Variants in CDH13 observed in about 807,000 individuals in gnomAD.
The protein encoded by CDH13 is cadherin-13.
A neutral mutation model predicts 63.8 loss-of-function variants in CDH13; 24 were observed. The observed-to-expected ratio is 0.38, with a 90% CI of 0.27 to 0.53. The LOEUF (loss-of-function observed/expected upper bound fraction) is 0.53, where lower values mean the gene tolerates loss of function less well. CDH13 is among the 20% of genes least tolerant of loss of function. The pLI, the probability that CDH13 is intolerant of heterozygous loss-of-function variation, is 0.85. For missense variants in CDH13, 1,049 were observed against 903.1 expected, an observed-to-expected ratio of 1.16 and a Z score of -2.07; for synonymous variants, 503 against 355.3, an observed-to-expected ratio of 1.42 and a Z score of -4.67.
intron 4 of CDH13, among the ~76,000 whole-genome samples, chr16:83,172,543 C>T (rs2037966140): frequency 6.6e-6 from 1 of 151,672 alleles, no homozygotes; most frequent in African/African-American, 2.4e-5. Context: ...CAGGATGATA[C>T]ATCTATAAGC....
At chr16:83,534,042 A>T (rs1017540013) in intron 7 of CDH13, among the ~76,000 whole-genome samples, 2 of 152,148 alleles carry the variant, frequency 1.3e-5, no homozygotes, top group African/African-American at 4.8e-5. Flanking sequence ...TAGTGGATGG[A>T]CAGTGTTGTA....
At position 82,692,785 on chromosome 16, in the gene CDH13, T is replaced by C. The variant is rs75141977; in HGVS notation, c.45+65648T>C. Reference sequence around the variant, plus strand: ...CTGTGTGCATGAAAAACCTAGGTTCTCAGTAGCTGGGAGGAGACCTGCACA... The same window carrying C: ...CTGTGTGCATGAAAAACCTAGGTTCCCAGTAGCTGGGAGGAGACCTGCACA... On this transcript the variant is annotated intron_variant, in intron 1 of 13. Transcript: ENST00000567109. Among the ~76,000 whole-genome samples, 957 of 141,054 alleles carry C rather than the reference T, an allele frequency of 6.8e-3. 30 individuals carry two copies. The highest frequency in any genetic ancestry group is 4.8e-3 in the East Asian group (22 of 4,604). 92.5% of individuals were successfully genotyped at this position (141,054 alleles called of 152,430 possible).
chr16:83,152,047 C>A (rs1329475877), intron 4 of CDH13, among the ~76,000 whole-genome samples: 1 of 151,924 alleles, frequency 6.6e-6, no homozygotes, highest in African/African-American at 2.4e-5. Context: ...AGTCTATAAC[C>A]ATTGACTTTT....
chr16:82,781,432 C>CT (rs1238537584), intron 1 of CDH13, among the ~76,000 whole-genome samples: 1 of 152,100 alleles, frequency 6.6e-6, no homozygotes, highest in East Asian at 1.9e-4. Context: ...ACATTGGCAA[C>CT]TTGATGGCTA....
chr16:82,689,066 C>G (rs1915372017), intron 1 of CDH13: 1 of 152,152 alleles, frequency 6.6e-6, no homozygotes, highest in Admixed American at 6.5e-5. Flanking sequence ...CTGTGTTCTT[C>G]ATGCTTAGGG....
In CDH13 at chr16:82,856,351, G is replaced by T. The variant is rs1447523089; in HGVS notation, c.46-2011G>T. 2.1e-5 allele frequency among the ~76,000 whole-genome samples: 3 copies of T among 144,122 alleles called. No individual in the cohort carries two copies. The East Asian group carries it at 6.2e-4, about 30-fold the overall frequency. The allele number at this position is 144,122 out of a possible 152,430, so 94.5% of individuals were successfully genotyped here. A position where few individuals can be genotyped will look rare whatever the true frequency, so the allele number is the denominator to read the frequency against. Reference sequence around the variant, plus strand: ...GATCATGCCACTGCACTCCAGCCTGGGCAACAGAGAGAGACTCCATCTCAA... The same window carrying T: ...GATCATGCCACTGCACTCCAGCCTGTGCAACAGAGAGAGACTCCATCTCAA... On this transcript the variant is annotated intron_variant, in intron 1 of 13. Transcript: ENST00000567109.
intron 6 of CDH13, among the ~76,000 whole-genome samples, chr16:83,388,276 C>G (rs1222686136): frequency 6.9e-6 from 1 of 145,932 alleles, no homozygotes; most frequent in East Asian, 2.0e-4. Context: ...GAATAACCCT[C>G]TCTCTGGAAA....
intron 3 of CDH13, among the ~76,000 whole-genome samples, chr16:83,095,765 T>C (rs2034161481): frequency 1.3e-5 from 2 of 152,182 alleles, no homozygotes; most frequent in African/African-American, 4.8e-5. Context: ...ATGAGCAGTA[T>C]GTTTTGCCTA....
intron 5 of CDH13, among the ~76,000 whole-genome samples, chr16:83,270,726 T>A (rs1328810982): frequency 6.6e-6 from 1 of 152,160 alleles, no homozygotes. Context: ...TCATCTTCTA[T>A]CCTCCCAGAC....
At chr16:82,667,585 C>T (rs1160534603) in intron 1 of CDH13, among the ~76,000 whole-genome samples, 1 of 152,186 alleles carries the variant, frequency 6.6e-6, no homozygotes, top group Non-Finnish European at 1.5e-5. Flanking sequence ...GAGAGGCTCT[C>T]AGTTCAGAGA....
chr16:83,560,288 T>C (rs1191504873), intron 7 of CDH13, among the ~76,000 whole-genome samples: 1 of 152,166 alleles, frequency 6.6e-6, no homozygotes, highest in Non-Finnish European at 1.5e-5. Flanking sequence ...AACCTAATGC[T>C]ACAAAGATAA....
chr16:83,298,261 G>T (rs562447123), intron 5 of CDH13, among the ~76,000 whole-genome samples: 2 of 151,810 alleles, frequency 1.3e-5, no homozygotes, highest in Non-Finnish European at 2.9e-5. Flanking sequence ...GAGACAAAAT[G>T]AGATGAGACG....
At chr16:83,046,204 A>G (rs1166715284) in intron 3 of CDH13, among the ~76,000 whole-genome samples, 1 of 152,202 alleles carries the variant, frequency 6.6e-6, no homozygotes, top group African/African-American at 2.4e-5. Flanking sequence ...CACATTTAAA[A>G]AATAAGAGGA....
intron 6 of CDH13, among the ~76,000 whole-genome samples, chr16:83,375,275 G>T (rs1169708758): frequency 6.6e-6 from 1 of 152,178 alleles, no homozygotes; most frequent in Non-Finnish European, 1.5e-5. Flanking sequence ...GGAACAAATT[G>T]ATTTTTAAAG....
At chr16:82,964,840 T>A (rs2151352235) in intron 2 of CDH13, among the ~76,000 whole-genome samples, 1 of 152,334 alleles carries the variant, frequency 6.6e-6, no homozygotes, top group Non-Finnish European at 1.5e-5. Flanking sequence ...TGGGTTTTTT[T>A]CTTCCTTGTT....
chr16:83,754,397 A>G (rs775426865), intron 11 of CDH13, among the ~76,000 whole-genome samples: 4 of 152,188 alleles, frequency 2.6e-5, no homozygotes, highest in Admixed American at 1.3e-4. Context: ...GGAGTAAGCC[A>G]GAAGTTGACT....
chr16:82,632,371 T>C (rs1259521676), intron 1 of CDH13, among the ~76,000 whole-genome samples: 4 of 152,240 alleles, frequency 2.6e-5, no homozygotes, highest in Non-Finnish European at 4.4e-5. Context: ...ATTCCATTGA[T>C]GTGTGCTTTG....
chr16:83,504,161 G>T (rs958106149), intron 7 of CDH13, among the ~76,000 whole-genome samples: 15 of 152,260 alleles, frequency 9.9e-5, no homozygotes, highest in African/African-American at 2.9e-4. Context: ...CCTCTGAATG[G>T]ACATAGCCCA....
chr16:82,886,870 T>C (rs1467136363), intron 2 of CDH13, among the ~76,000 whole-genome samples: 1 of 152,208 alleles, frequency 6.6e-6, no homozygotes, highest in Non-Finnish European at 1.5e-5. Context: ...ATGTTTTCCT[T>C]GTCCTTCTAA....
Sources: gnomAD v4.1 joint callset for allele counts (sites outside exome capture counted in the v4.1 genomes callset) on GRCh38, gnomAD v4.1.1 for gene constraint, MANE v1.5 for transcripts, NCBI Gene and HGNC (gene_info 2026-07-23, HGNC 2026-07-21) for gene names.